CCSER2: variants seen among roughly 807,000 people sequenced by gnomAD.
CCSER2 encodes the protein serine-rich coiled-coil domain-containing protein 2.
In CCSER2, 46 loss-of-function variants were observed where a neutral mutation model predicts 92.3. The observed-to-expected ratio is 0.50, with a 90% CI of 0.39 to 0.64. The LOEUF is 0.64. Among genes scored for constraint, CCSER2 ranks in the 30% least tolerant of loss-of-function variants. The pLI is 0.00. For synonymous variants in CCSER2, 433 were observed against 431.4 expected (o/e 1.00, Z -0.04); for missense variants, 1,244 against 1,238.9 (o/e 1.00, Z -0.06).
intron 1 of CCSER2, among the ~76,000 whole-genome samples, chr10:84,332,207 A>G (rs1369155700): frequency 6.6e-6 from 1 of 151,904 alleles, no homozygotes; most frequent in East Asian, 1.9e-4. Flanking sequence ...GTTTAACATC[A>G]TAGTCCATAA....
At chr10:84,431,028 T>C (rs1396389510) in intron 5 of CCSER2, among the ~76,000 whole-genome samples, 2 of 152,218 alleles carry the variant, frequency 1.3e-5, no homozygotes, top group African/African-American at 4.8e-5. Context: ...AGTTCTCATA[T>C]GCTTTCTCAC....
rs56977232 is a variant in CCSER2 at position 84,385,004 on chromosome 10, A to AACACACACACACACAC, written c.1614+11204_1614+11219dup. On this transcript the variant is annotated intron_variant, in intron 3 of 9. Transcript: ENST00000372088. ...TGAGAGCTGAAATCAATTTACAATA[A>AACACACACACACACAC]ACACACACACACACACACACACACA... 2.3e-3 allele frequency among the ~76,000 whole-genome samples: 339 copies of AACACACACACACACAC among 145,878 alleles called. 1 individual carries two copies. The highest frequency in any genetic ancestry group is 6.4e-3 in the African/African-American group (251 of 39,514).
intron 1 of CCSER2, among the ~76,000 whole-genome samples, chr10:84,344,049 G>A (rs1352576136): frequency 6.6e-6 from 1 of 152,192 alleles, no homozygotes; most frequent in East Asian, 1.9e-4. Flanking sequence ...TTGAGATGTG[G>A]TAACTTAATC....
intron 6 of CCSER2, among the ~76,000 whole-genome samples, chr10:84,462,309 T>C (rs1213870763): frequency 6.6e-6 from 1 of 152,220 alleles, no homozygotes; most frequent in Non-Finnish European, 1.5e-5. Flanking sequence ...TGCTGTACAC[T>C]TCCCACAAGT....
At chr10:84,442,778 G>A (rs1382160332) in intron 6 of CCSER2, among the ~76,000 whole-genome samples, 1 of 152,218 alleles carries the variant, frequency 6.6e-6, no homozygotes. Context: ...CATGGTGCTG[G>A]TACCAAAACA....
chr10:84,487,502 A>G (rs1847880786), intron 9 of CCSER2, among the ~76,000 whole-genome samples: 1 of 152,142 alleles, frequency 6.6e-6, no homozygotes, highest in Admixed American at 6.5e-5. Flanking sequence ...TTCTCTTTGA[A>G]GCAATTGTGA....
At chr10:84,403,369 A>G (rs1842219380) in intron 3 of CCSER2, among the ~76,000 whole-genome samples, 2 of 152,214 alleles carry the variant, frequency 1.3e-5, no homozygotes, top group Non-Finnish European at 2.9e-5. Context: ...ATCGTTAGGA[A>G]CTAGGGCTAA....
intron 3 of CCSER2, chr10:84,389,522 G>T: frequency 3.7e-6 from 1 of 270,604 alleles, no homozygotes; most frequent in Non-Finnish European, 7.4e-6. Flanking sequence ...GGTTGCCCTG[G>T]GGGCCGATCT....
intron 6 of CCSER2, among the ~76,000 whole-genome samples, chr10:84,451,265 T>TTG (rs1232892383): frequency 6.7e-6 from 1 of 149,522 alleles, no homozygotes; most frequent in Non-Finnish European, 1.5e-5. Context: ...TTTTTTTTTT[T>TTG]TGTTTTTTGT....
intron 3 of CCSER2, among the ~76,000 whole-genome samples, chr10:84,393,436 ATCCCCAC>A (rs1387157773): frequency 5.3e-5 from 8 of 152,246 alleles, no homozygotes; most frequent in Non-Finnish European, 8.8e-5. Context: ...TCAGTGTTTT[ATCCCCAC>A]TCAACATACT....
intron 9 of CCSER2, among the ~76,000 whole-genome samples, chr10:84,480,657 T>C (rs1336797289): frequency 6.6e-6 from 1 of 152,200 alleles, no homozygotes; most frequent in Non-Finnish European, 1.5e-5. Context: ...ATTTATTCTA[T>C]AGCAAATATA....
Position 84,372,403 on chromosome 10 carries a change from G to T in CCSER2, c.1351G>T (p.Asp451Tyr). ...AAATGGGCCACCACAGGATATGTTT[G>T]ATTCCCCCAAGGAAAATGAAAAAGC... Reference protein sequence around the residue: ...HENGPPQDMFDSPKENEKAFS... With the variant: ...HENGPPQDMFYSPKENEKAFS... The change falls in exon 2 of 10, where the codon GAT becomes TAT. Residue 451 changes from aspartate (D) to tyrosine (Y), a missense_variant. Asp to Tyr is a radical substitution (Grantham distance 160). Coordinates refer to ENST00000372088, the MANE Select transcript of CCSER2 (RefSeq NM_001284240.2). 1.2e-6 allele frequency: 2 copies of T among 1,603,656 alleles called. No individual in the cohort carries two copies. Among genetic ancestry groups the T allele is most frequent in the South Asian group, 2.3e-5 (2 of 88,248 alleles).
chr10:84,358,625 A>AATAT (rs372786833), intron 1 of CCSER2, among the ~76,000 whole-genome samples: 1 of 148,104 alleles, frequency 6.8e-6, no homozygotes, highest in African/African-American at 2.5e-5. Context: ...ACCCTATCTA[A>AATAT]ATATATATAT....
rs1845836789 is a variant in CCSER2, at chr10:84,457,628, AT to A, written c.2065-6304del. ...ATATTATATATAATTATATATTTAT[AT>A]ATTATATATAATTATATATAATTAT... On this transcript the variant is annotated intron_variant, in intron 6 of 9. Transcript: ENST00000372088. 4.5e-5 allele frequency among the ~76,000 whole-genome samples: 4 copies of A among 89,432 alleles called. No individual in the cohort carries two copies. The Admixed American group carries it at 5.8e-4, about 13-fold the overall frequency. 58.7% of individuals were successfully genotyped at this position (89,432 alleles called of 152,430 possible). A position where few individuals can be genotyped will look rare whatever the true frequency, so the allele number is the denominator to read the frequency against.
At chr10:84,415,896 TG>T (rs1465881272) in intron 3 of CCSER2, among the ~76,000 whole-genome samples, 1 of 152,154 alleles carries the variant, frequency 6.6e-6, no homozygotes, top group Admixed American at 6.5e-5. Context: ...GCCGTGCAAG[TG>T]GGCCTGCAGA....
At chr10:84,410,353 A>G (rs1015621579) in intron 3 of CCSER2, among the ~76,000 whole-genome samples, 4 of 152,212 alleles carry the variant, frequency 2.6e-5, no homozygotes, top group African/African-American at 7.2e-5. Flanking sequence ...ATCTATCACA[A>G]TGGTTGAACT....
chr10:84,406,004 T>C (rs553349356), intron 3 of CCSER2, among the ~76,000 whole-genome samples: 1 of 152,358 alleles, frequency 6.6e-6, no homozygotes, highest in South Asian at 2.1e-4. Flanking sequence ...TGCATGCTTA[T>C]AATAACTTCA....
intron 6 of CCSER2, among the ~76,000 whole-genome samples, chr10:84,450,353 A>G (rs1036440712): frequency 6.6e-5 from 10 of 152,182 alleles, no homozygotes; most frequent in Admixed American, 6.5e-4. Flanking sequence ...AAGGACAAAT[A>G]CTTTTTCATG....
At chr10:84,497,511 G>A (rs1358678868) in intron 9 of CCSER2, among the ~76,000 whole-genome samples, 1 of 152,236 alleles carries the variant, frequency 6.6e-6, no homozygotes, top group African/African-American at 2.4e-5. Flanking sequence ...AATAAAGACA[G>A]ATATCATTGT....
Sources: gnomAD v4.1 joint callset for allele counts (sites outside exome capture counted in the v4.1 genomes callset) on GRCh38, gnomAD v4.1.1 for gene constraint, MANE v1.5 for transcripts, NCBI Gene and HGNC (gene_info 2026-07-23, HGNC 2026-07-21) for gene names.